TRIM9: variants seen among roughly 807,000 people sequenced by gnomAD.
TRIM9 encodes the protein E3 ubiquitin-protein ligase TRIM9.
A neutral mutation model predicts 78.3 loss-of-function variants in TRIM9; 26 were observed. That is an observed-to-expected ratio of 0.33 (90% CI 0.24 to 0.46). The LOEUF (loss-of-function observed/expected upper bound fraction) is 0.46. Ranked by LOEUF, TRIM9 falls within the 20% of genes least tolerant of loss-of-function variation. The pLI, the probability that TRIM9 is intolerant of heterozygous loss-of-function variation, is 1.00. For synonymous variants in TRIM9, 398 were observed against 416.5 expected (o/e 0.96, Z 0.54); for missense variants, 787 against 1,036.4 (o/e 0.76, Z 3.30).
chr14:51,011,723 C>A (rs915299033), intron 3 of TRIM9, among the ~76,000 whole-genome samples: 2 of 152,266 alleles, frequency 1.3e-5, no homozygotes, highest in Non-Finnish European at 2.9e-5. Context: ...CCAAAACAAT[C>A]AGGAAATAGA....
At chr14:51,046,109 A>G (rs1179308816) in intron 1 of TRIM9, among the ~76,000 whole-genome samples, 1 of 152,014 alleles carries the variant, frequency 6.6e-6, no homozygotes, top group East Asian at 1.9e-4. Context: ...CGCGTTTTAG[A>G]AATGGAGGAC....
chr14:51,013,295 T>G (rs963724239), intron 3 of TRIM9, among the ~76,000 whole-genome samples: 1 of 152,010 alleles, frequency 6.6e-6, no homozygotes, highest in Non-Finnish European at 1.5e-5. Context: ...ACTGCCTTTT[T>G]CCCATTGGAT....
intron 1 of TRIM9, among the ~76,000 whole-genome samples, chr14:51,062,454 A>C (rs1341555575): frequency 6.6e-6 from 1 of 152,210 alleles, no homozygotes; most frequent in East Asian, 1.9e-4. Flanking sequence ...TACTGAAATA[A>C]CCCTCATATA....
intron 1 of TRIM9, among the ~76,000 whole-genome samples, chr14:51,026,276 G>T (rs1288846126): frequency 6.6e-6 from 1 of 152,164 alleles, no homozygotes; most frequent in Non-Finnish European, 1.5e-5. Flanking sequence ...ATAGGGTATG[G>T]GTGGAGGGAT....
intron 3 of TRIM9, among the ~76,000 whole-genome samples, chr14:51,018,194 C>T (rs2057398110): frequency 6.6e-6 from 1 of 151,030 alleles, no homozygotes; most frequent in African/African-American, 2.4e-5. Context: ...GAATTAGTTG[C>T]TTTTTTTTTC....
rs1179745116 is a variant in TRIM9 at position 50,996,566 on chromosome 14, A to G, written c.1603+1484T>C. 3.0e-6 allele frequency: 3 copies of G among 985,348 alleles called. 1 individual carries two copies. The highest frequency in any genetic ancestry group is 3.6e-6 in the Non-Finnish European group (3 of 829,948). The allele number at this position is 985,348 out of a possible 1,614,324, so 61.0% of individuals were successfully genotyped here. A position where few individuals can be genotyped will look rare whatever the true frequency, so the allele number is the denominator to read the frequency against. On this transcript the variant is annotated intron_variant, in intron 7 of 12. Coordinates refer to ENST00000684578, the MANE Select transcript of TRIM9 (RefSeq NM_001387360.1). Reference sequence around the variant, plus strand: ...ACAAATTTCTCTCTGCTCTGCAGGCATGCACTTCACTCTTCAATCAAACCA... The same window carrying G: ...ACAAATTTCTCTCTGCTCTGCAGGCGTGCACTTCACTCTTCAATCAAACCA...
intron 7 of TRIM9, among the ~76,000 whole-genome samples, chr14:50,994,468 A>G (rs1229766554): frequency 1.3e-5 from 2 of 152,238 alleles, no homozygotes; most frequent in Non-Finnish European, 2.9e-5. Flanking sequence ...CTGGCTTTGT[A>G]GCCACAAAGT....
In TRIM9 at chr14:50,985,881, A is replaced by G. The variant is rs984747213; in HGVS notation, c.1792+75T>C. The stretch of plus-strand genomic sequence containing the variant: ...CCCCTCACCACGCACATGAATGGCA[A>G]GAACAAGACACGCGTTTCAGAGATG... On this transcript the variant is annotated intron_variant, in intron 8 of 12. Transcript: ENST00000684578. 4.6e-6 allele frequency: 6 copies of G among 1,300,618 alleles called. No individual in the cohort carries two copies. The African/African-American group carries it at 9.1e-5, about 20-fold the overall frequency. The allele number at this position is 1,300,618 out of a possible 1,614,324, so 80.6% of individuals were successfully genotyped here.
At chr14:51,076,151 T>C (rs2062764482) in intron 1 of TRIM9, among the ~76,000 whole-genome samples, 2 of 152,280 alleles carry the variant, frequency 1.3e-5, no homozygotes, top group African/African-American at 4.8e-5. Flanking sequence ...GTTTCACAGA[T>C]GAGGAAACCG....
In TRIM9 at chr14:51,094,712, G is replaced by A. The variant is rs775050694; in HGVS notation, c.228C>T (p.Ser76=). The A allele has an allele frequency of 1.9e-6, 3 of 1,558,006 alleles. No homozygotes were observed. Among genetic ancestry groups the A allele is most frequent in the South Asian group, 1.2e-5 (1 of 82,006 alleles). Residue 76 remains serine (S), a synonymous_variant, in exon 1 of 13, where the codon AGC becomes AGT. Transcript: ENST00000684578. ...DKMSLYSEAD[S]GYGSYGGFAS... is the part of the protein sequence containing the mutation. Reference sequence around the variant, plus strand: ...CGAACCCCCCGTAGGAGCCATAGCCGCTGTCCGCCTCGCTGTATAGGCTCA... The same window carrying A: ...CGAACCCCCCGTAGGAGCCATAGCCACTGTCCGCCTCGCTGTATAGGCTCA...
At chr14:51,035,935 A>G (rs769351157) in intron 1 of TRIM9, among the ~76,000 whole-genome samples, 3 of 152,246 alleles carry the variant, frequency 2.0e-5, no homozygotes, top group Non-Finnish European at 4.4e-5. Flanking sequence ...AGCCTTGTAC[A>G]GAGTAGTAGT....
chr14:51,061,930 T>C (rs2061382564), intron 1 of TRIM9, among the ~76,000 whole-genome samples: 1 of 152,212 alleles, frequency 6.6e-6, no homozygotes, highest in African/African-American at 2.4e-5. Context: ...ATATGTATGT[T>C]AGGCCATATG....
At chr14:51,074,196 A>T (rs1022029887) in intron 1 of TRIM9, among the ~76,000 whole-genome samples, 1 of 152,158 alleles carries the variant, frequency 6.6e-6, no homozygotes, top group Non-Finnish European at 1.5e-5. Context: ...AGACAGGAGG[A>T]TCACTTGAGC....
intron 1 of TRIM9, among the ~76,000 whole-genome samples, chr14:51,067,682 C>G (rs543111158): frequency 6.6e-6 from 1 of 152,096 alleles, no homozygotes; most frequent in Non-Finnish European, 1.5e-5. Flanking sequence ...CAGATCTTCA[C>G]AGAGGGCTGC....
At position 50,976,898 on chromosome 14, in the gene TRIM9, A is replaced by T. The variant is rs76236223; in HGVS notation, c.*393T>A. 1 of 156,824 alleles carries T rather than the reference A, an allele frequency of 6.4e-6. No individual in the cohort carries two copies. Among genetic ancestry groups the T allele is most frequent in the Non-Finnish European group, 1.4e-5 (1 of 70,922 alleles). 9.7% of individuals were successfully genotyped at this position (156,824 alleles called of 1,614,324 possible). On this transcript the variant is annotated 3_prime_UTR_variant, in exon 13 of 13. Coordinates refer to ENST00000684578, the MANE Select transcript of TRIM9 (RefSeq NM_001387360.1). ...GTTTGACAGAAAGCTTAAGAAAAAA[A>T]GTTAGCAGGAGAATTTTCTCCTGGC...
chr14:51,079,382 T>C (rs2063100316), intron 1 of TRIM9, among the ~76,000 whole-genome samples: 1 of 152,234 alleles, frequency 6.6e-6, no homozygotes, highest in South Asian at 2.1e-4. Flanking sequence ...CTTCCTGCCC[T>C]CAATGTAAGT....
At chr14:51,028,075 G>T (rs1463480425) in intron 1 of TRIM9, among the ~76,000 whole-genome samples, 7 of 152,138 alleles carry the variant, frequency 4.6e-5, no homozygotes, top group Non-Finnish European at 7.4e-5. Context: ...TGTATACTTA[G>T]AAATACAATC....
intron 12 of TRIM9, chr14:50,978,872 A>G: frequency 1.0e-6 from 1 of 976,174 alleles, no homozygotes; most frequent in Non-Finnish European, 1.2e-6. Context: ...CTGTTGTTTT[A>G]TTCTATAATA....
chr14:51,019,587 A>G (rs1411181048), intron 3 of TRIM9, among the ~76,000 whole-genome samples: 1 of 152,224 alleles, frequency 6.6e-6, no homozygotes, highest in Non-Finnish European at 1.5e-5. Context: ...ATTCTAGGCT[A>G]TGAATTATGG....
Sources: gnomAD v4.1 joint callset for allele counts (sites outside exome capture counted in the v4.1 genomes callset) on GRCh38, gnomAD v4.1.1 for gene constraint, MANE v1.5 for transcripts, NCBI Gene and HGNC (gene_info 2026-07-23, HGNC 2026-07-21) for gene names.